The following ATP9A variants were observed in gnomAD, a reference collection of about 807,000 sequenced individuals.
ATP9A encodes ATPase phospholipid transporting 9A.
A neutral mutation model predicts 144.1 loss-of-function variants in ATP9A; 52 were observed. The observed-to-expected ratio is 0.36, with a 90% CI of 0.29 to 0.45. The LOEUF (loss-of-function observed/expected upper bound fraction) is 0.45, where lower values mean the gene tolerates loss of function less well. ATP9A is among the 20% of genes least tolerant of loss of function. The probability of loss-of-function intolerance (pLI) is 1.00; values close to 1 mark genes in which losing one functional copy is unlikely to be tolerated. For synonymous variants in ATP9A, 582 were observed against 557.4 expected (o/e 1.04, Z -0.62); for missense variants, 947 against 1,392.7 (o/e 0.68, Z 5.09).
At chr20:51,607,030 T>C (rs1475615328) in intron 26 of ATP9A, among the ~76,000 whole-genome samples, 2 of 150,906 alleles carry the variant, frequency 1.3e-5, no homozygotes, top group Non-Finnish European at 3.0e-5. Context: ...CAAAAATATA[T>C]AAATAAATAA....
chr20:51,605,558 C>A (rs571966075), intron 26 of ATP9A, among the ~76,000 whole-genome samples: 1 of 152,270 alleles, frequency 6.6e-6, no homozygotes, highest in South Asian at 2.1e-4. Flanking sequence ...ATGGAGGTTA[C>A]AGTGAGCTGA....
rs577310961 is a variant in ATP9A, at chr20:51,674,946, G to A, written c.877-633C>T. 1.1e-3 allele frequency among the ~76,000 whole-genome samples: 162 copies of A among 152,202 alleles called. 1 individual carries two copies. The Middle Eastern group carries it at 0.014, about 13-fold the overall frequency. On this transcript the variant is annotated intron_variant, in intron 10 of 27. Transcript: ENST00000338821. ...TCCTACCTCAGCCTCCCGATAAGCT[G>A]GGATTATGGCGCCCGCCACCACACC...
In ATP9A at chr20:51,711,725, T is replaced by C. The variant is rs192575491; in HGVS notation, c.436+1241A>G. Among the ~76,000 whole-genome samples, 454 of 152,274 alleles carry C rather than the reference T, an allele frequency of 3.0e-3. 2 individuals are homozygous for C. Among genetic ancestry groups the C allele is most frequent in the Non-Finnish European group, 5.1e-3 (349 of 68,030 alleles). ...AACAATGGCTGGGTTGTTTTGTGGC[T>C]TTTCCACCGTGTGTTTCAGTGGGTT... is the stretch of plus-strand genomic sequence containing the variant. On this transcript the variant is annotated intron_variant, in intron 4 of 27. Coordinates refer to ENST00000338821, the MANE Select transcript of ATP9A (RefSeq NM_006045.3).
At chr20:51,667,441 A>G (rs1200804920) in intron 13 of ATP9A, among the ~76,000 whole-genome samples, 1 of 152,168 alleles carries the variant, frequency 6.6e-6, no homozygotes, top group Non-Finnish European at 1.5e-5. Flanking sequence ...ATGCATGACA[A>G]TCCAATCAAT....
chr20:51,612,942 A>G (rs2077190137), intron 23 of ATP9A, among the ~76,000 whole-genome samples: 1 of 152,190 alleles, frequency 6.6e-6, no homozygotes, highest in Admixed American at 6.5e-5. Context: ...GACCCCTGCA[A>G]GTGGACACGG....
intron 13 of ATP9A, among the ~76,000 whole-genome samples, chr20:51,665,732 A>C (rs1215416019): frequency 2.7e-5 from 4 of 147,934 alleles, no homozygotes; most frequent in African/African-American, 9.8e-5. Context: ...CTCAAAAAAA[A>C]AAAAAAAAAG....
rs978897218 is a variant in ATP9A at position 51,689,237 on chromosome 20, T to C, written c.724-98A>G. ...GTCCGCTGGAGATAGAAAGACAGGCTCCCCCCGATGAACCTGGAAGCCCAG... is the reference window on the plus strand; with the variant it reads ...GTCCGCTGGAGATAGAAAGACAGGCCCCCCCCGATGAACCTGGAAGCCCAG... On this transcript the variant is annotated intron_variant, in intron 8 of 27. Coordinates refer to ENST00000338821, the MANE Select transcript of ATP9A (RefSeq NM_006045.3). 4.8e-5 allele frequency: 59 copies of C among 1,228,514 alleles called. No individual in the cohort carries two copies. In the African/African-American group the frequency reaches 7.8e-4, roughly 16 times the overall value. The allele number at this position is 1,228,514 out of a possible 1,614,324, so 76.1% of individuals were successfully genotyped here.
Position 51,663,161 on chromosome 20 carries a change from A to G in ATP9A, c.1294-6011T>C, listed in dbSNP as rs372199137. Among the ~76,000 whole-genome samples, 13 of 152,338 alleles carry G rather than the reference A, an allele frequency of 8.5e-5. 2 individuals carry two copies. Among genetic ancestry groups the G allele is most frequent in the East Asian group, 3.9e-4 (2 of 5,190 alleles). ...GGCATATATTTATATTTATATTTTTAAAACTTTACAGGCAATTCTGGTGGT... is the reference window on the plus strand; with the variant it reads ...GGCATATATTTATATTTATATTTTTGAAACTTTACAGGCAATTCTGGTGGT... On this transcript the variant is annotated intron_variant, in intron 13 of 27. Transcript: ENST00000338821.
At chr20:51,761,057 GTAA>G (rs1470339474) in intron 1 of ATP9A, among the ~76,000 whole-genome samples, 1 of 152,150 alleles carries the variant, frequency 6.6e-6, no homozygotes, top group African/African-American at 2.4e-5. Flanking sequence ...AGTCCTGAGA[GTAA>G]TGAGAGTCCT....
rs2077309105 is a variant in ATP9A, at chr20:51,639,407, T to C, written c.1604A>G (p.Asn535Ser). The C allele has an allele frequency of 6.2e-7, 1 of 1,613,994 alleles. No individual in the cohort carries two copies. The highest frequency in any genetic ancestry group is 8.5e-7 in the Non-Finnish European group (1 of 1,179,956). ...AGGGAAGATCTGTAGGATGGTGAAG[T>C]TCAGGATCTGGTCGCCAGGGGTCCT... ...QLRTPGDQIL[N>S]FTILQIFPFT... Residue 535 changes from asparagine to serine, a missense_variant, in exon 15 of 28, where the codon AAC becomes AGC. Transcript: ENST00000338821.
intron 3 of ATP9A, among the ~76,000 whole-genome samples, chr20:51,721,336 A>G (rs924524840): frequency 6.6e-6 from 1 of 152,242 alleles, no homozygotes; most frequent in Admixed American, 6.5e-5. Context: ...AAAAAATTTA[A>G]TAAGTTGGGC....
intron 15 of ATP9A, among the ~76,000 whole-genome samples, chr20:51,636,933 T>C (rs1352561692): frequency 6.6e-6 from 1 of 151,966 alleles, no homozygotes. Flanking sequence ...CTACTAATAA[T>C]ACAAAAAATT....
intron 4 of ATP9A, among the ~76,000 whole-genome samples, chr20:51,710,555 C>A (rs1205696): frequency 0.12 from 17,903 of 152,126 alleles, 1,101 homozygotes; most frequent in South Asian, 0.19. Context: ...ACTAAACTCG[C>A]CTCGATCACT....
intron 12 of ATP9A, among the ~76,000 whole-genome samples, 187 bp from the exon 13 acceptor site, chr20:51,670,296 C>A (rs115649046): frequency 6.6e-6 from 1 of 152,174 alleles, no homozygotes; most frequent in Non-Finnish European, 1.5e-5. Flanking sequence ...TTGAAAATGG[C>A]TTCCTAGCTT....
intron 3 of ATP9A, among the ~76,000 whole-genome samples, chr20:51,714,659 C>T (rs1235073985): frequency 1.3e-5 from 2 of 152,332 alleles, no homozygotes; most frequent in East Asian, 1.9e-4. Flanking sequence ...TGAGCCACCA[C>T]GCCCAGCAGA....
chr20:51,613,226 A>AC (rs2077191221), intron 23 of ATP9A, among the ~76,000 whole-genome samples: 1 of 152,178 alleles, frequency 6.6e-6, no homozygotes, highest in South Asian at 2.1e-4. Context: ...GATGGCCCTT[A>AC]CCTCTGCAAA....
At chr20:51,662,842 G>A (rs1048663216) in intron 13 of ATP9A, among the ~76,000 whole-genome samples, 5 of 152,026 alleles carry the variant, frequency 3.3e-5, no homozygotes, top group African/African-American at 4.8e-5. Flanking sequence ...AGGCTGAGGC[G>A]GGCGGATCAC....
chr20:51,739,430 C>A (rs1469620666), intron 1 of ATP9A, among the ~76,000 whole-genome samples: 1 of 150,146 alleles, frequency 6.7e-6, no homozygotes, highest in Non-Finnish European at 1.5e-5. Context: ...CGGCTCACTG[C>A]AAGCTCTGCC....
intron 1 of ATP9A, among the ~76,000 whole-genome samples, chr20:51,732,003 C>G (rs892954529): frequency 6.6e-6 from 1 of 152,080 alleles, no homozygotes; most frequent in Non-Finnish European, 1.5e-5. Flanking sequence ...TGGAGAGAAG[C>G]CAGCACACCA....
Sources: gnomAD v4.1 joint callset for allele counts (sites outside exome capture counted in the v4.1 genomes callset) on GRCh38, gnomAD v4.1.1 for gene constraint, MANE v1.5 for transcripts, NCBI Gene and HGNC (gene_info 2026-07-23, HGNC 2026-07-21) for gene names.